PLD5: variants seen among roughly 807,000 people sequenced by gnomAD.
PLD5 encodes inactive phospholipase D5.
Under a neutral mutation model 61.1 loss-of-function variants are expected in PLD5, and 36 were observed. That is an observed-to-expected ratio of 0.59 (90% CI 0.45 to 0.78). PLD5 has a LOEUF of 0.78. Ranked by LOEUF, PLD5 falls within the 30% of genes least tolerant of loss-of-function variation. PLD5 has a pLI of 0.00. For synonymous variants in PLD5, 243 were observed against 242.8 expected (o/e 1.00, Z -0.01); for missense variants, 515 against 644.4 (o/e 0.80, Z 2.17).
intron 8 of PLD5, among the ~76,000 whole-genome samples, chr1:242,104,317 A>G (rs1221079001): frequency 8.6e-6 from 1 of 116,680 alleles, no homozygotes; most frequent in South Asian, 2.7e-4. Context: ...TTTTTTTTGT[A>G]GAAATAGGGT....
intron 1 of PLD5, among the ~76,000 whole-genome samples, chr1:242,484,543 G>T (rs1215873154): frequency 6.6e-6 from 1 of 152,078 alleles, no homozygotes; most frequent in Non-Finnish European, 1.5e-5. Flanking sequence ...CCAATAACAG[G>T]CTCTGAAATT....
intron 7 of PLD5, among the ~76,000 whole-genome samples, chr1:242,111,484 A>G (rs1661494809): frequency 6.6e-6 from 1 of 152,052 alleles, no homozygotes; most frequent in Non-Finnish European, 1.5e-5. Context: ...TTTTTTTTAC[A>G]CGCTGTTAAT....
chr1:242,275,171 G>T (rs1462984923), intron 3 of PLD5, among the ~76,000 whole-genome samples: 3 of 151,610 alleles, frequency 2.0e-5, no homozygotes, highest in African/African-American at 7.3e-5. Context: ...ATAAGATTTA[G>T]GATTTAAGTC....
At chr1:242,446,860 T>A (rs536666836) in intron 1 of PLD5, among the ~76,000 whole-genome samples, 1 of 152,150 alleles carries the variant, frequency 6.6e-6, no homozygotes, top group Non-Finnish European at 1.5e-5. Context: ...TCTCTTCCTC[T>A]CTACTTTGAA....
chr1:242,249,502 G>A (rs1182190241), intron 4 of PLD5, among the ~76,000 whole-genome samples: 1 of 152,180 alleles, frequency 6.6e-6, no homozygotes, highest in Non-Finnish European at 1.5e-5. Context: ...ATCTTTCAAA[G>A]AAAGTTAAAA....
chr1:242,149,514 T>G (rs1331094932), intron 5 of PLD5, among the ~76,000 whole-genome samples: 1 of 151,802 alleles, frequency 6.6e-6, no homozygotes, highest in Non-Finnish European at 1.5e-5. Context: ...TTACTTTTTT[T>G]TTTTAATATT....
At chr1:242,293,089 T>C (rs1406937899) in intron 2 of PLD5, among the ~76,000 whole-genome samples, 3 of 152,210 alleles carry the variant, frequency 2.0e-5, no homozygotes, top group African/African-American at 7.2e-5. Flanking sequence ...GATTTTATTT[T>C]CCTTAGTGAT....
intron 9 of PLD5, among the ~76,000 whole-genome samples, chr1:242,092,511 A>T (rs538949823): frequency 2.4e-4 from 36 of 152,162 alleles, no homozygotes; most frequent in Non-Finnish European, 3.7e-4. Context: ...CGAAATTACC[A>T]CTAGGCCAGG....
chr1:242,410,264 A>G (rs1373172275), intron 1 of PLD5, among the ~76,000 whole-genome samples: 1 of 152,204 alleles, frequency 6.6e-6, no homozygotes, highest in Non-Finnish European at 1.5e-5. Context: ...TGGAGGAATG[A>G]GCAGCTAAGC....
chr1:242,314,899 T>C (rs867974767), intron 2 of PLD5, among the ~76,000 whole-genome samples: 1 of 152,222 alleles, frequency 6.6e-6, no homozygotes, highest in African/African-American at 2.4e-5. Context: ...CATTTTTACA[T>C]AGAATCATTT....
chr1:242,200,075 CA>C lies in PLD5; in HGVS notation c.735+19912del, dbSNP rs1303713078. ...TGAACCATTCTCTAAAATGTTTAAG[CA>C]CATTTCTTTTGTCCTGAATTGGAAG... is the stretch of plus-strand genomic sequence containing the variant. On this transcript the variant is annotated intron_variant, in intron 5 of 9. Coordinates refer to ENST00000536534, the MANE Select transcript of PLD5 (RefSeq NM_001372062.1). Among the ~76,000 whole-genome samples, 6 of 152,152 alleles carry C rather than the reference CA, an allele frequency of 3.9e-5. No homozygotes were observed. In the East Asian group the frequency reaches 1.2e-3, roughly 29 times the overall value.
chr1:242,191,843 A>C (rs542217334), intron 5 of PLD5, among the ~76,000 whole-genome samples: 2 of 152,050 alleles, frequency 1.3e-5, no homozygotes, highest in African/African-American at 4.8e-5. Context: ...GAGGGGGTAC[A>C]GACTGGGGCG....
chr1:242,365,138 A>G (rs1464985913), intron 1 of PLD5: 1 of 152,238 alleles, frequency 6.6e-6, no homozygotes, highest in Non-Finnish European at 1.5e-5. Flanking sequence ...AAATTTTTGT[A>G]AGATAAAAGT....
chr1:242,165,351 A>G (rs1309781310), intron 5 of PLD5, among the ~76,000 whole-genome samples: 2 of 151,438 alleles, frequency 1.3e-5, no homozygotes, highest in Non-Finnish European at 2.9e-5. Flanking sequence ...TTTAAAAAAG[A>G]CTGTTCACAT....
rs1659667743 is a variant in PLD5 at position 242,089,743 on chromosome 1, A to G, written c.*111T>C. The G allele has an allele frequency of 7.4e-7, 1 of 1,351,816 alleles. No homozygotes were observed. The highest frequency in any genetic ancestry group is 1.5e-5 in the African/African-American group (1 of 68,472). 83.7% of individuals were successfully genotyped at this position (1,351,816 alleles called of 1,614,324 possible). On this transcript the variant is annotated 3_prime_UTR_variant, in exon 10 of 10. Coordinates refer to ENST00000536534, the MANE Select transcript of PLD5 (RefSeq NM_001372062.1). ...GTGTTGTTCAGAGAATATTTTTTATAAGTGTGCTTTTTCCCTAAAAAAAGA... is the reference window on the plus strand; with the variant it reads ...GTGTTGTTCAGAGAATATTTTTTATGAGTGTGCTTTTTCCCTAAAAAAAGA...
At chr1:242,469,656 A>G (rs2102947180) in intron 1 of PLD5, among the ~76,000 whole-genome samples, 1 of 152,282 alleles carries the variant, frequency 6.6e-6, no homozygotes, top group Admixed American at 6.5e-5. Flanking sequence ...GACTACAGAC[A>G]CAAGCCACTA....
chr1:242,086,232 A>G lies in PLD5; in HGVS notation c.*3622T>C, dbSNP rs889081066. On this transcript the variant is annotated 3_prime_UTR_variant, in exon 10 of 10. Transcript: ENST00000536534. Reference sequence around the variant, plus strand: ...CAGAGAGGGCCCGAATGGTGCCCAGAGTTACACAGGTGCAAAGTGTATCCG... The same window carrying G: ...CAGAGAGGGCCCGAATGGTGCCCAGGGTTACACAGGTGCAAAGTGTATCCG... 6.6e-6 allele frequency: 1 copy of G among 152,194 alleles called. No homozygotes were observed. The highest frequency in any genetic ancestry group is 2.4e-5 in the African/African-American group (1 of 41,436). 9.4% of individuals were successfully genotyped at this position (152,194 alleles called of 1,614,324 possible). A position where few individuals can be genotyped will look rare whatever the true frequency, so the allele number is the denominator to read the frequency against.
intron 2 of PLD5, among the ~76,000 whole-genome samples, chr1:242,332,172 C>T (rs542104712): frequency 1.8e-4 from 28 of 152,204 alleles, no homozygotes; most frequent in Admixed American, 8.5e-4. Flanking sequence ...TTGCTGAGAA[C>T]GATAGTTTCC....
chr1:242,222,240 G>A (rs1295911463), intron 4 of PLD5, among the ~76,000 whole-genome samples: 1 of 152,154 alleles, frequency 6.6e-6, no homozygotes, highest in Non-Finnish European at 1.5e-5. Context: ...CCATTTTCAA[G>A]TAAGGTCACA....
Sources: allele counts gnomAD v4.1 joint callset (sites outside exome capture counted in the v4.1 genomes callset), GRCh38; gene constraint gnomAD v4.1.1; transcripts MANE v1.5; gene names NCBI Gene and HGNC (gene_info 2026-07-23, HGNC 2026-07-21).